KIF1A: variants seen among roughly 807,000 people sequenced by gnomAD.
KIF1A encodes kinesin family member 1A, also known as kinesin-like protein KIF1A.
Under a neutral mutation model 227.3 loss-of-function variants are expected in KIF1A, and 46 were observed. That is an observed-to-expected ratio of 0.20 (90% confidence interval 0.16 to 0.26). The LOEUF is 0.26. Ranked by LOEUF, KIF1A falls within the 10% of genes least tolerant of loss-of-function variation. KIF1A has a pLI of 1.00. For missense variants in KIF1A, 1,683 were observed against 2,485.9 expected, an observed-to-expected ratio of 0.68 and a Z score of 6.87; for synonymous variants, 1,022 against 1,012.8, an observed-to-expected ratio of 1.01 and a Z score of -0.17.
In KIF1A at chr2:240,722,465, C is replaced by T. The variant is rs1318711831; in HGVS notation, c.4656G>A (p.Leu1552=). ...LEAPNERQRE[L]AVKCLRLLTH... ...CACCAGCTGGACCCACCTTGACGGC[C>T]AGCTCCCGCTGCCTCTCGTTGGGAG... Residue 1552 remains leucine, a synonymous_variant, in exon 43 of 49, where the codon CTG becomes CTA. Transcript: ENST00000498729. 3.2e-6 allele frequency: 5 copies of T among 1,546,456 alleles called. No homozygotes were observed.
At chr2:240,724,558 A>C (rs2045768459) in intron 40 of KIF1A, 1 of 179,584 alleles carries the variant, frequency 5.6e-6, no homozygotes, top group African/African-American at 2.4e-5. Context: ...CTTTCCTCCC[A>C]GCTGTGCCCA....
intron 4 of KIF1A, 25 bp from the exon 5 acceptor site, chr2:240,787,341 C>G (rs766947465): frequency 6.2e-7 from 1 of 1,606,584 alleles, no homozygotes; most frequent in Admixed American, 1.7e-5. Flanking sequence ...GGACAGTCAG[C>G]CAGGGAGGGC....
intron 38 of KIF1A, among the ~76,000 whole-genome samples, chr2:240,729,075 A>C (rs1215304767): frequency 6.6e-6 from 1 of 152,170 alleles, no homozygotes; most frequent in African/African-American, 2.4e-5. Context: ...TGTCTGGTAC[A>C]TGTCATCATC....
At chr2:240,782,497 G>A (rs2054190661) in intron 10 of KIF1A, 93 bp downstream of exon 10, 6 of 1,360,842 alleles carry the variant, frequency 4.4e-6, no homozygotes, top group Non-Finnish European at 6.1e-6. Flanking sequence ...CGCACTCACT[G>A]CCCGCCCCGC....
intron 6 of KIF1A, among the ~76,000 whole-genome samples, chr2:240,785,305 A>G (rs2054592561): frequency 6.6e-6 from 1 of 152,200 alleles, no homozygotes; most frequent in African/African-American, 2.4e-5. Context: ...TGGCGTCCTC[A>G]GCCCCAGCCC....
chr2:240,786,280 G>A lies in KIF1A; in HGVS notation c.608+55C>T, dbSNP rs564852199. The A allele has an allele frequency of 5.2e-5, 81 of 1,550,444 alleles. 1 individual carries two copies. The highest frequency in any genetic ancestry group is 1.6e-4 in the South Asian group (14 of 89,590). On this transcript the variant is annotated intron_variant, in intron 6 of 48. Transcript: ENST00000498729. ...GGACCGAGGTGAAGGGGCTTCCTCC[G>A]GGGAGAGGCGGCAGGACAGGAGGGC...
At position 240,765,838 on chromosome 2, in the gene KIF1A, T is replaced by C. The variant is rs371996868; in HGVS notation, c.1685-45A>G. ...GGCAGAGAGGAGGACTATGAGGGGC[T>C]GTCACCTACAGCAGCTCGGCTTACC... On this transcript the variant is annotated intron_variant, in intron 19 of 48. Coordinates refer to ENST00000498729, the MANE Select transcript of KIF1A (RefSeq NM_001244008.2). The C allele has an allele frequency of 2.8e-3, 4,135 of 1,458,610 alleles. 55 individuals carry two copies. The highest frequency in any genetic ancestry group is 0.024 in the South Asian group (2,085 of 87,508). 90.4% of individuals were successfully genotyped at this position (1,458,610 alleles called of 1,614,324 possible).
rs936642381 is a variant in KIF1A, at chr2:240,717,240, C to T, written c.*124G>A. The stretch of plus-strand genomic sequence containing the variant: ...GTCCCCGGGCCTGGCATGGGCGTCC[C>T]CTGGGGGGTCGACCCGGTCGTGGGC... On this transcript the variant is annotated 3_prime_UTR_variant, in exon 49 of 49. Transcript: ENST00000498729. The T allele has an allele frequency of 9.7e-6, 9 of 931,510 alleles. No homozygotes were observed. In the African/African-American group the frequency reaches 9.7e-5, roughly 10 times the overall value. The allele number at this position is 931,510 out of a possible 1,614,324, so 57.7% of individuals were successfully genotyped here.
At chr2:240,801,449 T>TA (rs774862456) in intron 1 of KIF1A, among the ~76,000 whole-genome samples, 5 of 151,716 alleles carry the variant, frequency 3.3e-5, no homozygotes, top group African/African-American at 4.8e-5. Context: ...TTAAAACAGA[T>TA]AAAAAGAATA....
intron 23 of KIF1A, 45 bp downstream of exon 23, chr2:240,762,674 T>C: frequency 6.6e-7 from 1 of 1,518,920 alleles, no homozygotes; most frequent in Non-Finnish European, 8.9e-7. Flanking sequence ...ACCTCCATGC[T>C]GAGACCCTCC....
intron 5 of KIF1A, 38 bp from the exon 6 acceptor site, chr2:240,786,551 C>A: frequency 2.5e-6 from 4 of 1,589,464 alleles, no homozygotes; most frequent in Non-Finnish European, 2.6e-6. Context: ...GCCCCTGAGG[C>A]GAGGGAGTGG....
chr2:240,755,322 G>C (rs1205226517), intron 27 of KIF1A, among the ~76,000 whole-genome samples: 1 of 152,244 alleles, frequency 6.6e-6, no homozygotes, highest in African/African-American at 2.4e-5. Flanking sequence ...CAGCAGCAGA[G>C]GCAGACAGAG....
rs1575636551 is a variant in KIF1A at position 240,787,970 on chromosome 2, G to A, written c.363+81C>T. 14 of 1,350,926 alleles carry A rather than the reference G, an allele frequency of 1.0e-5. No homozygotes were observed. The East Asian group carries it at 3.5e-4, about 34-fold the overall frequency. The allele number at this position is 1,350,926 out of a possible 1,614,324, so 83.7% of individuals were successfully genotyped here. ...CTGCTCTCTGGGGGCTGCTCTCAGG[G>A]GTGCCTGGCCCGGAGCTCTCAGCCT... On this transcript the variant is annotated intron_variant, in intron 4 of 48. Coordinates refer to ENST00000498729, the MANE Select transcript of KIF1A (RefSeq NM_001244008.2).
rs2055423633 is a variant in KIF1A, at chr2:240,789,732, C to T, written c.107-420G>A. 6.6e-6 allele frequency among the ~76,000 whole-genome samples: 1 copy of T among 152,168 alleles called. No homozygotes were observed. Among genetic ancestry groups the T allele is most frequent in the Non-Finnish European group, 1.5e-5 (1 of 68,026 alleles). The stretch of plus-strand genomic sequence containing the variant: ...TGCTCCGGCTCAGCGTGCACGTGCC[C>T]GAGAAGCGCTGGAAGCCTGGGCGTC... On this transcript the variant is annotated intron_variant, in intron 2 of 48. Coordinates refer to ENST00000498729, the MANE Select transcript of KIF1A (RefSeq NM_001244008.2). The surrounding 1 kb of genome is among the most constrained non-coding windows in gnomAD (Gnocchi z 4.8).
intron 1 of KIF1A, among the ~76,000 whole-genome samples, chr2:240,806,190 G>C (rs868667793): frequency 6.6e-6 from 1 of 152,224 alleles, no homozygotes; most frequent in East Asian, 1.9e-4. Flanking sequence ...GCTTTGACAG[G>C]TTGAGAAGAT....
chr2:240,760,530 A>T, intron 25 of KIF1A, 135 bp downstream of exon 25: 1 of 586,640 alleles, frequency 1.7e-6, no homozygotes, highest in Non-Finnish European at 2.7e-6. Flanking sequence ...TTCTGATTTT[A>T]AAATAATTGG....
At chr2:240,729,492 C>T (rs1298313363) in intron 38 of KIF1A, among the ~76,000 whole-genome samples, 1 of 152,234 alleles carries the variant, frequency 6.6e-6, no homozygotes, top group Non-Finnish European at 1.5e-5. Flanking sequence ...CATCCTGGGG[C>T]TCCTTGGCCC....
chr2:240,808,140 T>C (rs1201592367), intron 1 of KIF1A, among the ~76,000 whole-genome samples: 1 of 152,200 alleles, frequency 6.6e-6, no homozygotes, highest in African/African-American at 2.4e-5. Flanking sequence ...TAGGAGAGGT[T>C]CTGGCCAAAC....
In KIF1A at chr2:240,736,299, C is replaced by A. The variant is rs1171333936; in HGVS notation, c.4007+764G>T. Among the ~76,000 whole-genome samples, 1 of 152,098 alleles carries A rather than the reference C, an allele frequency of 6.6e-6. No homozygotes were observed. Among genetic ancestry groups the A allele is most frequent in the Non-Finnish European group, 1.5e-5 (1 of 68,002 alleles). On this transcript the variant is annotated intron_variant, in intron 38 of 48. Transcript: ENST00000498729. The surrounding 1 kb of genome is among the most constrained non-coding windows in gnomAD (Gnocchi z 4.7). The stretch of plus-strand genomic sequence containing the variant: ...CTTGTGCATCATGAGCCAGGTCGAG[C>A]CCCCAGGGAGCAGCCAGGACTGGAC...
Sources: allele counts gnomAD v4.1 joint callset (sites outside exome capture counted in the v4.1 genomes callset), GRCh38; gene constraint gnomAD v4.1.1; non-coding constraint Gnocchi (gnomAD v3.1); transcripts MANE v1.5; gene names NCBI Gene and HGNC (gene_info 2026-07-23, HGNC 2026-07-21).